PRDM16: variants seen among roughly 807,000 people sequenced by gnomAD.
PRDM16 encodes histone-lysine N-methyltransferase PRDM16.
PRDM16 carries 23 observed loss-of-function variants against 110.6 expected under a neutral mutation model. The observed-to-expected ratio is 0.21, with a 90% confidence interval of 0.15 to 0.29. PRDM16 has a LOEUF of 0.29. Ranked by LOEUF, PRDM16 falls within the 10% of genes least tolerant of loss-of-function variation. PRDM16 has a pLI of 1.00. For synonymous variants in PRDM16, 799 were observed against 781.8 expected, an observed-to-expected ratio of 1.02 and a Z score of -0.37; for missense variants, 1,615 against 1,794.3, an observed-to-expected ratio of 0.90 and a Z score of 1.81.
intron 8 of PRDM16, among the ~76,000 whole-genome samples, chr1:3,407,134 C>T (rs1643576148): frequency 6.6e-6 from 1 of 152,226 alleles, no homozygotes; most frequent in Non-Finnish European, 1.5e-5. Context: ...GCTTGGGAAC[C>T]TGGACTCAGG....
intron 4 of PRDM16, among the ~76,000 whole-genome samples, chr1:3,396,109 T>C (rs1419833582): frequency 1.3e-5 from 2 of 152,102 alleles, no homozygotes; most frequent in Non-Finnish European, 2.9e-5. Flanking sequence ...CCGCCGCCAC[T>C]GGCAAAGCGG....
At chr1:3,258,438 C>T (rs930138198) in intron 3 of PRDM16, among the ~76,000 whole-genome samples, 2 of 152,154 alleles carry the variant, frequency 1.3e-5, no homozygotes, top group Non-Finnish European at 2.9e-5. Context: ...CTTATGCTAA[C>T]GGGATTCATT....
chr1:3,225,574 G>GTGCGCGCGCA (rs1491529163), intron 2 of PRDM16, among the ~76,000 whole-genome samples: 155 of 135,188 alleles, frequency 1.1e-3, no homozygotes, highest in African/African-American at 5.0e-3. Context: ...GTGTGTGTGT[G>GTGCGCGCGCA]CGCGCGCGCA....
intron 3 of PRDM16, among the ~76,000 whole-genome samples, chr1:3,329,118 C>A (rs1482142186): frequency 1.3e-5 from 2 of 152,368 alleles, no homozygotes; most frequent in Middle Eastern, 3.4e-3. Context: ...CCCCCAAGGG[C>A]CTCCCAAACT....
At chr1:3,342,689 C>T (rs889947171) in intron 3 of PRDM16, among the ~76,000 whole-genome samples, 3 of 152,234 alleles carry the variant, frequency 2.0e-5, no homozygotes, top group African/African-American at 7.2e-5. Context: ...ATGTCTATCA[C>T]CTTGGATTCA....
intron 1 of PRDM16, among the ~76,000 whole-genome samples, chr1:3,152,077 T>C (rs1643784586): frequency 6.6e-6 from 1 of 152,190 alleles, no homozygotes; most frequent in African/African-American, 2.4e-5. Context: ...CTGAGGTTTG[T>C]ACAGGATCCA....
chr1:3,228,009 A>G lies in PRDM16; in HGVS notation c.388-16078A>G, dbSNP rs367997825. Reference sequence around the variant, plus strand: ...GCAGTATCCCAGGCTTCACAGTCACATCCAAGTAAATGTTGTTCCGCTCCG... The same window carrying G: ...GCAGTATCCCAGGCTTCACAGTCACGTCCAAGTAAATGTTGTTCCGCTCCG... On this transcript the variant is annotated intron_variant, in intron 2 of 16. Transcript: ENST00000270722. Among the ~76,000 whole-genome samples the G allele has an allele frequency of 7.5e-4, 114 of 152,354 alleles. 1 individual carries two copies. Among genetic ancestry groups the G allele is most frequent in the African/African-American group, 2.7e-3 (113 of 41,582 alleles).
intron 3 of PRDM16, among the ~76,000 whole-genome samples, chr1:3,271,153 G>T (rs1390574736): frequency 6.6e-6 from 1 of 152,200 alleles, no homozygotes; most frequent in Non-Finnish European, 1.5e-5. Flanking sequence ...GGACATTCAC[G>T]CCAGTGTGGG....
chr1:3,278,385 G>A (rs543733132), intron 3 of PRDM16, among the ~76,000 whole-genome samples: 105 of 152,336 alleles, frequency 6.9e-4, no homozygotes, highest in South Asian at 4.6e-3. Flanking sequence ...GGAGCTGAAT[G>A]AACCCCACTG....
Position 3,322,033 on chromosome 1 carries a change from TGA to T in PRDM16, c.439-63115_439-63114del, listed in dbSNP as rs771904423. Among the ~76,000 whole-genome samples, 24 of 148,160 alleles carry T rather than the reference TGA, an allele frequency of 1.6e-4. 1 individual carries two copies. Among genetic ancestry groups the T allele is most frequent in the South Asian group, 4.2e-4 (2 of 4,784 alleles). On this transcript the variant is annotated intron_variant, in intron 3 of 16. Coordinates refer to ENST00000270722, the MANE Select transcript of PRDM16 (RefSeq NM_022114.4). ...GTTTGTGTGTGAGTGCAGATGTGTG[TGA>T]GAGTGTTTGGAGGTCGTGTGTGTGT... is the stretch of plus-strand genomic sequence containing the variant.
In PRDM16 at chr1:3,412,235, G is replaced by C; in HGVS notation, c.2038G>C (p.Glu680Gln). The C allele has an allele frequency of 1.2e-6, 2 of 1,609,244 alleles. No homozygotes were observed. The highest frequency in any genetic ancestry group is 1.7e-6 in the Non-Finnish European group (2 of 1,176,750). The change falls in exon 9 of 17, where the codon GAG (glutamate) becomes CAG (glutamine). Residue 680 changes from glutamate (E) to glutamine (Q), a missense_variant. By Grantham distance (29) the Glu-to-Gln change is conservative. Coordinates refer to ENST00000270722, the MANE Select transcript of PRDM16 (RefSeq NM_022114.4). ...SQHSFFPPPD[E>Q]QLLTATGAAG... ...GCACTCATTCTTCCCGCCACCCGAC[G>C]AGCAGCTGCTGACTGCAACGGGCGC...
chr1:3,104,617 G>A (rs1373202807), intron 1 of PRDM16, among the ~76,000 whole-genome samples: 1 of 152,174 alleles, frequency 6.6e-6, no homozygotes, highest in Non-Finnish European at 1.5e-5. Flanking sequence ...GCATGTGCCA[G>A]CGGCCCTCTC....
chr1:3,431,165 C>T lies in PRDM16; in HGVS notation c.3521+57C>T, dbSNP rs1050641573. ...AGGGAGGGAACGTGGGCGTCCATCACGAGGGGGACCTCCCTCTTCAGCCAC... is the reference window on the plus strand; with the variant it reads ...AGGGAGGGAACGTGGGCGTCCATCATGAGGGGGACCTCCCTCTTCAGCCAC... On this transcript the variant is annotated intron_variant, in intron 15 of 16. Transcript: ENST00000270722. 9 of 1,524,896 alleles carry T rather than the reference C, an allele frequency of 5.9e-6. No individual in the cohort carries two copies. In the East Asian group the frequency reaches 1.2e-4, roughly 21 times the overall value. 94.5% of individuals were successfully genotyped at this position (1,524,896 alleles called of 1,614,324 possible).
Position 3,412,004 on chromosome 1 carries a change from G to A in PRDM16, c.1807G>A (p.Asp603Asn), listed in dbSNP as rs199984813. Residue 603 changes from aspartate to asparagine, a missense_variant, in exon 9 of 17, where the codon GAC (aspartate) becomes AAC (asparagine). Around this residue, in one of 5 missense-constraint regions of PRDM16, gnomAD observed 772 missense variants for 748.3 expected, o/e 1.03. Coordinates refer to ENST00000270722, the MANE Select transcript of PRDM16 (RefSeq NM_022114.4). ...GAGCAGCGACATGTCGGACGGCAGT[G>A]ACTTTGAGGACGTCAACACCACCAC... ...TRSSDMSDGSDFEDVNTTTGT... is the reference protein window; with the variant it reads ...TRSSDMSDGSNFEDVNTTTGT... The A allele has an allele frequency of 3.7e-5, 60 of 1,613,512 alleles. No individual in the cohort carries two copies. Among genetic ancestry groups the A allele is most frequent in the Admixed American group, 1.7e-5 (1 of 60,006 alleles).
At chr1:3,352,317 TCCCA>T (rs1005976851) in intron 3 of PRDM16, among the ~76,000 whole-genome samples, 2 of 152,094 alleles carry the variant, frequency 1.3e-5, no homozygotes, top group Non-Finnish European at 2.9e-5. Flanking sequence ...TCCCACGACT[TCCCA>T]CGGCAGAGTT....
chr1:3,293,031 T>G (rs1377568065), intron 3 of PRDM16, among the ~76,000 whole-genome samples: 1 of 152,230 alleles, frequency 6.6e-6, no homozygotes, highest in African/African-American at 2.4e-5. Flanking sequence ...AGTTAATTAC[T>G]AGGACAAGGG....
In PRDM16 at chr1:3,248,649, T is replaced by C. The variant is rs1260189806; in HGVS notation, c.438+4512T>C. 2.0e-5 allele frequency among the ~76,000 whole-genome samples: 3 copies of C among 152,238 alleles called. No individual in the cohort carries two copies. In the East Asian group the frequency reaches 5.8e-4, roughly 29 times the overall value. Reference sequence around the variant, plus strand: ...CGCCGGAAGAGGGGCCGGTGATGGGTCCATAAATCTCTCCCGGTTATTATT... The same window carrying C: ...CGCCGGAAGAGGGGCCGGTGATGGGCCCATAAATCTCTCCCGGTTATTATT... On this transcript the variant is annotated intron_variant, in intron 3 of 16. Transcript: ENST00000270722.
intron 1 of PRDM16, among the ~76,000 whole-genome samples, chr1:3,108,301 A>T (rs1035196140): frequency 2.0e-5 from 3 of 152,206 alleles, no homozygotes; most frequent in Non-Finnish European, 2.9e-5. Flanking sequence ...CCTTCAACCC[A>T]CCAATGGTGA....
rs992654657 is a variant in PRDM16 at position 3,074,984 on chromosome 1, T to C, written c.37+5688T>C. On this transcript the variant is annotated intron_variant, in intron 1 of 16. Coordinates refer to ENST00000270722, the MANE Select transcript of PRDM16 (RefSeq NM_022114.4). ...CACGGTGGTCATCCTGGGCCAGGAGTGCTCCCAAGCTTTGGTGGGCCCAGA... is the reference window on the plus strand; with the variant it reads ...CACGGTGGTCATCCTGGGCCAGGAGCGCTCCCAAGCTTTGGTGGGCCCAGA... Among the ~76,000 whole-genome samples the C allele has an allele frequency of 7.9e-5, 12 of 152,204 alleles. No individual in the cohort carries two copies. In the South Asian group the frequency reaches 1.5e-3, roughly 18 times the overall value.
Sources: allele counts gnomAD v4.1 joint callset (sites outside exome capture counted in the v4.1 genomes callset), GRCh38; gene constraint gnomAD v4.1.1; regional missense constraint gnomAD v4.1.1; transcripts MANE v1.5; gene names NCBI Gene and HGNC (gene_info 2026-07-23, HGNC 2026-07-21).